The following CASP5 variants were observed in gnomAD, a reference collection of about 807,000 sequenced individuals.
The protein encoded by CASP5 is caspase 5.
A neutral mutation model predicts 45.2 loss-of-function variants in CASP5; 42 were observed. That is an observed-to-expected ratio of 0.93 (90% confidence interval 0.73 to 1.20). The LOEUF is 1.20. Ranked by LOEUF, CASP5 falls within the 50% of genes most tolerant of loss-of-function variation. The pLI is 0.00. For missense variants in CASP5, 512 were observed against 532.2 expected, an observed-to-expected ratio of 0.96 and a Z score of 0.37; for synonymous variants, 209 against 186.2, an observed-to-expected ratio of 1.12 and a Z score of -1.00.
At chr11:105,012,050 A>G (rs1862376623) in intron 1 of CASP5, among the ~76,000 whole-genome samples, 1 of 151,884 alleles carries the variant, frequency 6.6e-6, no homozygotes. Flanking sequence ...CTGCAAAGTT[A>G]TAATAATCAA....
chr11:105,006,026 G>GT (rs1861985084), intron 3 of CASP5, among the ~76,000 whole-genome samples: 1 of 152,108 alleles, frequency 6.6e-6, no homozygotes, highest in Non-Finnish European at 1.5e-5. Flanking sequence ...GTTGCTTTAT[G>GT]TTCATGATCG....
rs959013016 is a variant in CASP5 at position 105,000,239 on chromosome 11, G to C, written c.952+22C>G. 2.5e-6 allele frequency: 4 copies of C among 1,611,486 alleles called. No homozygotes were observed. The African/African-American group carries it at 4.0e-5, about 16-fold the overall frequency. On this transcript the variant is annotated intron_variant, in intron 6 of 9. Transcript: ENST00000260315. ...TCTGCATACACCTTCAAAACTGTTA[G>C]ATGTTCAGCCTCAGCACTCACCACC... is the stretch of plus-strand genomic sequence containing the variant.
At position 104,998,872 on chromosome 11, in the gene CASP5, A is replaced by G. The variant is rs1861589854; in HGVS notation, c.1096+13T>C. 3 of 1,608,418 alleles carry G rather than the reference A, an allele frequency of 1.9e-6. No homozygotes were observed. The highest frequency in any genetic ancestry group is 1.3e-5 in the African/African-American group (1 of 74,534). ...CACCCCCAAATTTTTGACTGTTACT[A>G]AAAGACACATACGTGGTGTTGAAGA... On this transcript the variant is annotated intron_variant, in intron 7 of 9. Coordinates refer to ENST00000260315, the MANE Select transcript of CASP5 (RefSeq NM_004347.5).
In CASP5 at chr11:104,995,862, A is replaced by T. The variant is rs1390329038; in HGVS notation, c.1207-20T>A. 1 of 1,496,026 alleles carries T rather than the reference A, an allele frequency of 6.7e-7. No homozygotes were observed. Among genetic ancestry groups the T allele is most frequent in the Non-Finnish European group, 9.3e-7 (1 of 1,074,502 alleles). The allele number at this position is 1,496,026 out of a possible 1,614,324, so 92.7% of individuals were successfully genotyped here. On this transcript the variant is annotated intron_variant, in intron 8 of 9. Coordinates refer to ENST00000260315, the MANE Select transcript of CASP5 (RefSeq NM_004347.5). ...CTGTACCTAAAAGAAAAAACAGTAG[A>T]TGAGATATGAGGGATTTTGGGTTCT... is the stretch of plus-strand genomic sequence containing the variant.
intron 2 of CASP5, among the ~76,000 whole-genome samples, chr11:105,008,306 G>T (rs956673209): frequency 1.3e-5 from 2 of 152,110 alleles, no homozygotes; most frequent in African/African-American, 4.8e-5. Context: ...TACATCTAGA[G>T]CTAAATGAGT....
intron 5 of CASP5, among the ~76,000 whole-genome samples, chr11:105,001,023 C>G (rs1456841218): frequency 6.6e-6 from 1 of 152,216 alleles, no homozygotes; most frequent in Non-Finnish European, 1.5e-5. Context: ...TGGGAAGGCG[C>G]TGCATTCTCA....
chr11:105,011,653 CAA>C (rs1405452367), intron 1 of CASP5, among the ~76,000 whole-genome samples: 3 of 151,428 alleles, frequency 2.0e-5, no homozygotes, highest in Non-Finnish European at 4.4e-5. Context: ...TTTATAACAA[CAA>C]ACTAAAAAAT....
chr11:105,003,338 G>C lies in CASP5; in HGVS notation c.479C>G (p.Thr160Arg), dbSNP rs777264092. The C allele has an allele frequency of 6.2e-7, 1 of 1,604,792 alleles. No individual in the cohort carries two copies. Among genetic ancestry groups the C allele is most frequent in the South Asian group, 1.1e-5 (1 of 89,684 alleles). The stretch of plus-strand genomic sequence containing the variant: ...ACGAGGACAAAGTTTGAGTATATTT[G>C]TAGATTCTGCTGACTCAGGTGGTCC... ...EAGPPESAES[T>R]NILKLCPREE... Residue 160 changes from threonine (T) to arginine (R), a missense_variant, in exon 4 of 10, where the codon ACA becomes AGA. By Grantham distance (71) the Thr-to-Arg change is moderately conservative. Coordinates refer to ENST00000260315, the MANE Select transcript of CASP5 (RefSeq NM_004347.5).
At chr11:105,019,967 G>T (rs181799355) in intron 1 of CASP5, among the ~76,000 whole-genome samples, 10,197 of 127,332 alleles carry the variant, frequency 0.08, 1,391 homozygotes, top group African/African-American at 0.23. Context: ...CATGATCAAG[G>T]GGGCTTCATC....
chr11:105,021,192 A>G (rs1862940812), intron 1 of CASP5, among the ~76,000 whole-genome samples: 1 of 151,806 alleles, frequency 6.6e-6, no homozygotes, highest in Non-Finnish European at 1.5e-5. Context: ...GTTAGACCTA[A>G]AACCATAAAA....
intron 2 of CASP5, 29 bp from the exon 3 acceptor site, chr11:105,007,363 T>C (rs754645197): frequency 1.9e-6 from 3 of 1,577,174 alleles, no homozygotes; most frequent in Admixed American, 3.6e-5. Flanking sequence ...CTCCTTTAAC[T>C]ATGGGCACAG....
rs1277115853 is a variant in CASP5, at chr11:105,018,813, C to G, written c.7+4317G>C. Among the ~76,000 whole-genome samples, 21 of 141,242 alleles carry G rather than the reference C, an allele frequency of 1.5e-4. 1 individual carries two copies. Among genetic ancestry groups the G allele is most frequent in the African/African-American group, 5.1e-4 (20 of 38,876 alleles). The allele number at this position is 141,242 out of a possible 152,430, so 92.7% of individuals were successfully genotyped here. Reference sequence around the variant, plus strand: ...CTCTGCACCAAGCGGACCTAATAGACATCTACAGAACTCTCCACCCCAAAT... The same window carrying G: ...CTCTGCACCAAGCGGACCTAATAGAGATCTACAGAACTCTCCACCCCAAAT... On this transcript the variant is annotated intron_variant, in intron 1 of 9. Transcript: ENST00000260315.
intron 3 of CASP5, among the ~76,000 whole-genome samples, chr11:105,005,514 G>T (rs61537972): frequency 6.6e-6 from 1 of 152,026 alleles, no homozygotes; most frequent in Non-Finnish European, 1.5e-5. Context: ...GCCAAGGCCT[G>T]TACCTCTTCT....
Position 105,008,895 on chromosome 11 carries a change from T to C in CASP5, c.93A>G (p.Ile31Met). 6.2e-7 allele frequency: 1 copy of C among 1,613,270 alleles called. No individual in the cohort carries two copies. The highest frequency in any genetic ancestry group is 1.1e-5 in the South Asian group (1 of 91,064). ...ILQSGLDNFV[I>M]NHMLKNNVAG... ...CCACGTTGTTCTTTAGCATGTGGTT[T>C]ATCACGAAGTTATCCAATCCACTCT... Residue 31 changes from isoleucine (I) to methionine (M), a missense_variant, in exon 2 of 10, where the codon ATA becomes ATG. Coordinates refer to ENST00000260315, the MANE Select transcript of CASP5 (RefSeq NM_004347.5).
intron 8 of CASP5, among the ~76,000 whole-genome samples, chr11:104,996,374 A>C (rs1462410462): frequency 6.6e-6 from 1 of 152,210 alleles, no homozygotes; most frequent in African/African-American, 2.4e-5. Flanking sequence ...GAATACCCTC[A>C]AAAGTACAAT....
At chr11:105,022,411 C>T (rs1455767106) in intron 1 of CASP5, among the ~76,000 whole-genome samples, 2 of 151,920 alleles carry the variant, frequency 1.3e-5, no homozygotes, top group African/African-American at 4.8e-5. Flanking sequence ...CTTCCTTTTT[C>T]CAGTGAGGAG....
chr11:105,017,165 A>G (rs1862659943), intron 1 of CASP5, among the ~76,000 whole-genome samples: 1 of 152,112 alleles, frequency 6.6e-6, no homozygotes, highest in Admixed American at 6.5e-5. Context: ...GTACATCACC[A>G]TCATCAAAGA....
intron 9 of CASP5, 140 bp downstream of exon 9, chr11:104,995,600 G>A (rs1010074785): frequency 3.9e-6 from 2 of 517,814 alleles, no homozygotes; most frequent in Non-Finnish European, 6.9e-6. Context: ...ATAAAAAAGA[G>A]CAAATAAATA....
At chr11:105,000,753 T>C (rs1213286925) in intron 5 of CASP5, among the ~76,000 whole-genome samples, 2 of 151,928 alleles carry the variant, frequency 1.3e-5, no homozygotes, top group African/African-American at 2.4e-5. Flanking sequence ...TATATTTTTA[T>C]ATGTTACTTA....
Sources: gnomAD v4.1 joint callset for allele counts (sites outside exome capture counted in the v4.1 genomes callset) on GRCh38, gnomAD v4.1.1 for gene constraint, MANE v1.5 for transcripts, NCBI Gene and HGNC (gene_info 2026-07-23, HGNC 2026-07-21) for gene names.